The following DAPL1 variants were observed in gnomAD, a reference collection of about 807,000 sequenced individuals.
DAPL1 encodes the protein death associated protein like 1.
In DAPL1, 17 loss-of-function variants were observed where a neutral mutation model predicts 12.9. The observed-to-expected ratio is 1.32, with a 90% CI of 0.90 to 1.98. The LOEUF is 1.98. Ranked by LOEUF, DAPL1 falls within the 30% of genes most tolerant of loss-of-function variation. The pLI is 0.00. For missense variants in DAPL1, 157 were observed against 125.7 expected (o/e 1.25, Z -1.19); for synonymous variants, 51 against 42.0 (o/e 1.21, Z -0.82).
chr2:158,812,362 G>A (rs891084069), intron 3 of DAPL1, among the ~76,000 whole-genome samples: 1 of 152,188 alleles, frequency 6.6e-6, no homozygotes, highest in Non-Finnish European at 1.5e-5. Flanking sequence ...AGAAGTAGTT[G>A]AGCAGTGCTT....
chr2:158,807,822 T>G (rs2059210326), intron 3 of DAPL1: 2 of 152,198 alleles, frequency 1.3e-5, no homozygotes, highest in South Asian at 4.1e-4. Flanking sequence ...TAATTTTGTA[T>G]TTTAATAGAG....
chr2:158,801,034 G>C (rs1199556855), intron 1 of DAPL1, among the ~76,000 whole-genome samples: 1 of 152,092 alleles, frequency 6.6e-6, no homozygotes, highest in East Asian at 1.9e-4. Context: ...GTAGAGATGG[G>C]ATTTCGCCCT....
At chr2:158,813,586 T>A (rs1160856794) in intron 3 of DAPL1, among the ~76,000 whole-genome samples, 1 of 148,672 alleles carries the variant, frequency 6.7e-6, no homozygotes, top group South Asian at 2.1e-4. Context: ...GATGGAGTCT[T>A]GCTCTGTCGC....
chr2:158,800,321 T>C (rs2059160360), intron 1 of DAPL1, among the ~76,000 whole-genome samples: 1 of 152,190 alleles, frequency 6.6e-6, no homozygotes. Context: ...TATTAGGCAA[T>C]CTATATCATG....
chr2:158,812,864 T>A (rs867152251), intron 3 of DAPL1, among the ~76,000 whole-genome samples: 24 of 150,810 alleles, frequency 1.6e-4, no homozygotes, highest in African/African-American at 3.7e-4. Flanking sequence ...CTTCTTCCAA[T>A]ATAATCTTCC....
chr2:158,803,723 C>G (rs1025448894), intron 1 of DAPL1, among the ~76,000 whole-genome samples: 1 of 152,096 alleles, frequency 6.6e-6, no homozygotes, highest in Admixed American at 6.6e-5. Context: ...TGGCCAACAC[C>G]GGAGTTTTGG....
At chr2:158,806,998 C>T in intron 2 of DAPL1, 57 bp from the exon 3 acceptor site, 16 of 1,313,214 alleles carry the variant, frequency 1.2e-5, no homozygotes, top group East Asian at 4.7e-5. Context: ...AATCATGTGG[C>T]CTTTTCAGTG....
At chr2:158,813,485 A>G (rs1056543315) in intron 3 of DAPL1, among the ~76,000 whole-genome samples, 4 of 152,110 alleles carry the variant, frequency 2.6e-5, no homozygotes, top group African/African-American at 9.7e-5. Flanking sequence ...GTGATCAAAT[A>G]ACAAATTAGT....
intron 1 of DAPL1, among the ~76,000 whole-genome samples, chr2:158,798,033 C>T (rs557063908): frequency 6.6e-6 from 1 of 152,236 alleles, no homozygotes; most frequent in East Asian, 1.9e-4. Context: ...CAGAAGAACC[C>T]CATTATATGA....
intron 2 of DAPL1, 34 bp from the exon 3 acceptor site, chr2:158,807,021 A>G: frequency 6.3e-7 from 1 of 1,586,886 alleles, no homozygotes; most frequent in South Asian, 1.1e-5. Context: ...AAAATTTTTT[A>G]AGTCCTGTTC....
intron 1 of DAPL1, among the ~76,000 whole-genome samples, chr2:158,799,088 C>T (rs1251133826): frequency 5.9e-5 from 9 of 152,170 alleles, no homozygotes; most frequent in Non-Finnish European, 1.3e-4. Flanking sequence ...AAAGCAGTCA[C>T]AAGAGTATAA....
chr2:158,815,738 G>A lies in DAPL1; in HGVS notation c.241G>A (p.Ala81Thr). Residue 81 changes from alanine to threonine, a missense_variant, in exon 4 of 4, where the codon GCG becomes ACG. Transcript: ENST00000309950. ...NYKFPATVHM[A>T]HQKPTPALEK... is the part of the protein sequence containing the mutation. ...TAAATTTCCAGCAACAGTGCACATG[G>A]CGCATCAAAAACCCACACCTGCTCT... The A allele has an allele frequency of 6.2e-7, 1 of 1,613,816 alleles. No homozygotes were observed. Among genetic ancestry groups the A allele is most frequent in the South Asian group, 1.1e-5 (1 of 91,062 alleles).
intron 3 of DAPL1, among the ~76,000 whole-genome samples, chr2:158,811,056 A>G (rs1482744195): frequency 6.6e-6 from 1 of 152,250 alleles, no homozygotes; most frequent in African/African-American, 2.4e-5. Context: ...GAAACTTCTC[A>G]GAACATAAAA....
rs757255347 is a variant in DAPL1 at position 158,804,345 on chromosome 2, A to G, written c.122A>G (p.Lys41Arg). Reference protein sequence around the residue: ...QEIGTLERHTKKTGFEKTSAI... With the variant: ...QEIGTLERHTRKTGFEKTSAI... ...ATTGGCACCTTGGAAAGACATACCA[A>G]AAAAACAGGATTCGAGAAAACAAGG... The change falls in exon 2 of 4, where the codon AAA becomes AGA. Residue 41 changes from lysine to arginine, a missense_variant. Lys to Arg is a conservative substitution (Grantham distance 26). Transcript: ENST00000309950. 3.6e-5 allele frequency: 58 copies of G among 1,611,340 alleles called. No homozygotes were observed. Among genetic ancestry groups the G allele is most frequent in the Non-Finnish European group, 4.7e-5 (55 of 1,178,606 alleles).
chr2:158,815,709 AC>A lies in DAPL1; in HGVS notation c.213del (p.Tyr72IlefsTer24), dbSNP rs2059256603. 6.2e-7 allele frequency: 1 copy of A among 1,608,170 alleles called. No individual in the cohort carries two copies. Among genetic ancestry groups the A allele is most frequent in the Non-Finnish European group, 8.5e-7 (1 of 1,174,466 alleles). On this transcript the variant is annotated frameshift_variant, in exon 4 of 4. Transcript: ENST00000309950. LOFTEE classifies it high-confidence loss of function. ...TTCTTCCCTTCTCACCTTTAGCTCA[AC>A]TATAAATTTCCAGCAACAGTGCACA... ...DALNDALEKL[N>X]YKFPATVHMA... is the part of the protein sequence containing the mutation.
At chr2:158,800,484 A>C (rs1258649950) in intron 1 of DAPL1, among the ~76,000 whole-genome samples, 1 of 152,114 alleles carries the variant, frequency 6.6e-6, no homozygotes. Context: ...TTCTTATGTC[A>C]CCTCTATTTT....
intron 1 of DAPL1, among the ~76,000 whole-genome samples, chr2:158,803,839 G>A (rs1489063662): frequency 6.6e-6 from 1 of 152,092 alleles, no homozygotes; most frequent in Non-Finnish European, 1.5e-5. Context: ...CTCAGAATCT[G>A]GCTTTTGAAA....
intron 3 of DAPL1, among the ~76,000 whole-genome samples, chr2:158,812,602 T>C (rs1355544958): frequency 6.6e-6 from 1 of 152,150 alleles, no homozygotes; most frequent in Non-Finnish European, 1.5e-5. Context: ...GAGACCAGCC[T>C]GGGCAACATA....
At chr2:158,802,747 A>G (rs1249240310) in intron 1 of DAPL1, among the ~76,000 whole-genome samples, 6 of 152,230 alleles carry the variant, frequency 3.9e-5, no homozygotes. Flanking sequence ...TGTTTCTAAT[A>G]AACTTGCTTA....
Sources: gnomAD v4.1 joint callset for allele counts (sites outside exome capture counted in the v4.1 genomes callset) on GRCh38, gnomAD v4.1.1 for gene constraint, MANE v1.5 for transcripts, NCBI Gene and HGNC (gene_info 2026-07-23, HGNC 2026-07-21) for gene names.